Variants in LRRC4C observed in about 807,000 individuals in gnomAD.
LRRC4C encodes the protein leucine-rich repeat-containing protein 4C.
In LRRC4C, 5 loss-of-function variants were observed where a neutral mutation model predicts 33.6. That is an observed-to-expected ratio of 0.15 (90% CI 0.08 to 0.31). The LOEUF (loss-of-function observed/expected upper bound fraction) is 0.31, where lower values mean the gene tolerates loss of function less well. Ranked by LOEUF, LRRC4C falls within the 10% of genes least tolerant of loss-of-function variation. LRRC4C has a pLI of 1.00. For missense variants in LRRC4C, 560 were observed against 796.7 expected, an observed-to-expected ratio of 0.70 and a Z score of 3.58; for synonymous variants, 329 against 302.0, an observed-to-expected ratio of 1.09 and a Z score of -0.93.
chr11:40,321,296 G>T (rs1042442926), intron 3 of LRRC4C, among the ~76,000 whole-genome samples: 3 of 152,082 alleles, frequency 2.0e-5, no homozygotes, highest in Non-Finnish European at 4.4e-5. Flanking sequence ...AAAACTGAAG[G>T]GTTGAGTGAT....
At chr11:40,855,857 CA>C (rs1216933248) in intron 2 of LRRC4C, among the ~76,000 whole-genome samples, 1 of 151,846 alleles carries the variant, frequency 6.6e-6, no homozygotes, top group Non-Finnish European at 1.5e-5. Flanking sequence ...TCCCATTTCA[CA>C]AATGCAAATA....
intron 1 of LRRC4C, among the ~76,000 whole-genome samples, chr11:41,171,700 T>A (rs1944985275): frequency 6.6e-6 from 1 of 152,080 alleles, no homozygotes; most frequent in African/African-American, 2.4e-5. Flanking sequence ...CTAGATATTT[T>A]TATTTGCATG....
intron 1 of LRRC4C, among the ~76,000 whole-genome samples, chr11:41,101,382 C>G (rs76223742): frequency 0.068 from 10,404 of 152,076 alleles, 533 homozygotes; most frequent in East Asian, 0.19. Context: ...ATGTGGGCAA[C>G]AAGCGTATGA....
chr11:41,360,952 C>T (rs1952334946), intron 1 of LRRC4C, among the ~76,000 whole-genome samples: 1 of 152,138 alleles, frequency 6.6e-6, no homozygotes, highest in Non-Finnish European at 1.5e-5. Flanking sequence ...TAATGCTAGG[C>T]ATCATGGCAT....
intron 1 of LRRC4C, among the ~76,000 whole-genome samples, chr11:41,159,800 G>C (rs185419345): frequency 8.3e-4 from 127 of 152,150 alleles, no homozygotes; most frequent in African/African-American, 3.0e-3. Flanking sequence ...TTTATCAAAA[G>C]AGAAGTGAAA....
intron 2 of LRRC4C, among the ~76,000 whole-genome samples, chr11:40,658,084 A>T (rs888266031): frequency 1.3e-5 from 2 of 152,232 alleles, no homozygotes; most frequent in African/African-American, 2.4e-5. Context: ...GAAGCAAAAC[A>T]TCATTAAAAT....
chr11:41,056,609 C>T (rs1392807490), intron 1 of LRRC4C, among the ~76,000 whole-genome samples: 1 of 152,030 alleles, frequency 6.6e-6, no homozygotes, highest in Non-Finnish European at 1.5e-5. Flanking sequence ...AAGACATGAA[C>T]AGACACATTT....
intron 3 of LRRC4C, among the ~76,000 whole-genome samples, chr11:40,458,501 C>T (rs761514599): frequency 2.0e-5 from 3 of 152,162 alleles, no homozygotes; most frequent in Admixed American, 1.3e-4. Context: ...CTTGCCACTG[C>T]AACCATTCAC....
intron 2 of LRRC4C, among the ~76,000 whole-genome samples, chr11:40,926,664 G>T (rs923398504): frequency 1.7e-4 from 26 of 151,630 alleles, no homozygotes; most frequent in African/African-American, 5.1e-4. Context: ...TGTAAATTTG[G>T]TTATAGTATA....
chr11:41,196,332 T>C (rs1297976578), intron 1 of LRRC4C, among the ~76,000 whole-genome samples: 1 of 152,044 alleles, frequency 6.6e-6, no homozygotes, highest in African/African-American at 2.4e-5. Context: ...CTAGACTAGC[T>C]CCTTCATTTT....
chr11:40,153,492 G>A (rs1171638505), intron 5 of LRRC4C, among the ~76,000 whole-genome samples: 1 of 152,084 alleles, frequency 6.6e-6, no homozygotes, highest in Admixed American at 6.5e-5. Context: ...AAGCTAATCA[G>A]GGAGGGACCA....
At chr11:41,240,972 G>A (rs891018455) in intron 1 of LRRC4C, among the ~76,000 whole-genome samples, 1 of 152,080 alleles carries the variant, frequency 6.6e-6, no homozygotes, top group Non-Finnish European at 1.5e-5. Context: ...ATTTTACTGT[G>A]GAAAGACATG....
intron 1 of LRRC4C, among the ~76,000 whole-genome samples, chr11:41,224,760 A>T (rs1036812803): frequency 2.6e-5 from 4 of 152,196 alleles, no homozygotes; most frequent in Non-Finnish European, 5.9e-5. Context: ...GATGTGCCTG[A>T]ATCATATAAG....
chr11:40,161,204 C>T (rs1442925754), intron 5 of LRRC4C, among the ~76,000 whole-genome samples: 1 of 152,174 alleles, frequency 6.6e-6, no homozygotes, highest in South Asian at 2.1e-4. Context: ...AATAATTTTA[C>T]AGAGTTTTTA....
At chr11:40,966,606 T>A (rs1851382494) in intron 1 of LRRC4C, among the ~76,000 whole-genome samples, 1 of 152,008 alleles carries the variant, frequency 6.6e-6, no homozygotes, top group Non-Finnish European at 1.5e-5. Context: ...GTACACCACC[T>A]TCATCTGTGC....
intron 1 of LRRC4C, among the ~76,000 whole-genome samples, chr11:41,297,143 T>C (rs1335783980): frequency 6.6e-6 from 1 of 152,234 alleles, no homozygotes; most frequent in Non-Finnish European, 1.5e-5. Context: ...GAGATGATCA[T>C]GTGGTTTTTA....
chr11:40,780,583 A>G (rs1389802380), intron 2 of LRRC4C, among the ~76,000 whole-genome samples: 2 of 152,160 alleles, frequency 1.3e-5, no homozygotes, highest in African/African-American at 4.8e-5. Flanking sequence ...AATGACATAG[A>G]GGAGGGTGTT....
Position 41,456,814 on chromosome 11 carries a change from G to A in LRRC4C, c.-496+2617C>T, listed in dbSNP as rs73475957. On this transcript the variant is annotated intron_variant, in intron 1 of 6. Transcript: ENST00000528697. ...TCTACCACAAAATAAAACTGAAAAA[G>A]GCATGGATCTGGAGTTGGTTCTGAT... 2.5e-3 allele frequency among the ~76,000 whole-genome samples: 382 copies of A among 152,204 alleles called. 1 individual carries two copies. Among genetic ancestry groups the A allele is most frequent in the African/African-American group, 8.8e-3 (365 of 41,542 alleles).
intron 2 of LRRC4C, among the ~76,000 whole-genome samples, chr11:40,772,527 A>T (rs561866757): frequency 2.0e-5 from 3 of 152,348 alleles, no homozygotes; most frequent in Admixed American, 6.5e-5. Context: ...ATCTGATTTT[A>T]AAAATGGGCA....
Sources: gnomAD v4.1 joint callset for allele counts (sites outside exome capture counted in the v4.1 genomes callset) on GRCh38, gnomAD v4.1.1 for gene constraint, MANE v1.5 for transcripts, NCBI Gene and HGNC (gene_info 2026-07-23, HGNC 2026-07-21) for gene names.